The following LRRC4C variants were observed in gnomAD, a reference collection of about 807,000 sequenced individuals.
LRRC4C encodes the protein leucine rich repeat containing 4C, also known as leucine-rich repeat-containing protein 4C.
A neutral mutation model predicts 33.6 loss-of-function variants in LRRC4C; 5 were observed. That is an observed-to-expected ratio of 0.15 (90% CI 0.08 to 0.31). LRRC4C has a LOEUF of 0.31. LRRC4C is among the 10% of genes least tolerant of loss of function. The pLI, the probability that LRRC4C is intolerant of heterozygous loss-of-function variation, is 1.00. For synonymous variants in LRRC4C, 329 were observed against 302.0 expected (o/e 1.09, Z -0.93); for missense variants, 560 against 796.7 (o/e 0.70, Z 3.58).
chr11:40,683,450 T>G (rs1379609326), intron 2 of LRRC4C, among the ~76,000 whole-genome samples: 1 of 152,194 alleles, frequency 6.6e-6, no homozygotes, highest in African/African-American at 2.4e-5. Context: ...ATGGCAAAAT[T>G]GTTGACAAAG....
chr11:41,324,095 A>G (rs2137298106), intron 1 of LRRC4C, among the ~76,000 whole-genome samples: 1 of 152,330 alleles, frequency 6.6e-6, no homozygotes, highest in East Asian at 1.9e-4. Flanking sequence ...TCAAATTACA[A>G]CATCCCTAGG....
intron 2 of LRRC4C, among the ~76,000 whole-genome samples, chr11:40,706,844 T>C (rs1479135329): frequency 1.3e-5 from 2 of 152,234 alleles, no homozygotes; most frequent in Non-Finnish European, 2.9e-5. Flanking sequence ...TCCACGAGCA[T>C]GGAATGTTCT....
chr11:40,233,241 T>C (rs1865330079), intron 5 of LRRC4C, among the ~76,000 whole-genome samples: 1 of 152,226 alleles, frequency 6.6e-6, no homozygotes, highest in South Asian at 2.1e-4. Flanking sequence ...TCTTGTGTCC[T>C]ACATGAGTGG....
At chr11:41,402,727 C>T (rs1437478115) in intron 1 of LRRC4C, among the ~76,000 whole-genome samples, 3 of 151,836 alleles carry the variant, frequency 2.0e-5, no homozygotes, top group Admixed American at 2.0e-4. Flanking sequence ...GAACTCCAGA[C>T]AGAGTAAATA....
chr11:41,033,865 G>A (rs1461362712), intron 1 of LRRC4C, among the ~76,000 whole-genome samples: 1 of 151,948 alleles, frequency 6.6e-6, no homozygotes, highest in Non-Finnish European at 1.5e-5. Context: ...TTAGAGTTGG[G>A]CATAATTTTG....
intron 3 of LRRC4C, among the ~76,000 whole-genome samples, chr11:40,557,808 T>G (rs1203674204): frequency 6.6e-6 from 1 of 152,188 alleles, no homozygotes; most frequent in Non-Finnish European, 1.5e-5. Flanking sequence ...GTGAATCCTA[T>G]GAGCCTTCAA....
intron 2 of LRRC4C, among the ~76,000 whole-genome samples, chr11:40,782,531 A>G (rs945898208): frequency 1.3e-5 from 2 of 152,028 alleles, no homozygotes; most frequent in Admixed American, 1.3e-4. Flanking sequence ...GTTGAATCTC[A>G]ATTTACTTCA....
At chr11:40,649,083 A>G (rs1279093965) in intron 2 of LRRC4C, among the ~76,000 whole-genome samples, 5 of 152,194 alleles carry the variant, frequency 3.3e-5, no homozygotes, top group Non-Finnish European at 7.3e-5. Flanking sequence ...AAACAAAACT[A>G]CTGATAAAGG....
intron 5 of LRRC4C, among the ~76,000 whole-genome samples, chr11:40,162,182 C>G (rs145977822): frequency 2.0e-3 from 297 of 152,018 alleles, no homozygotes; most frequent in African/African-American, 6.6e-3. Flanking sequence ...AAAAGACTGA[C>G]CGTTATAACA....
chr11:40,696,752 A>G lies in LRRC4C; in HGVS notation c.-406-48474T>C, dbSNP rs201485474. Among the ~76,000 whole-genome samples the G allele has an allele frequency of 8.6e-3, 1,019 of 118,342 alleles. 17 individuals carry two copies. Among genetic ancestry groups the G allele is most frequent in the African/African-American group, 0.029 (971 of 33,834 alleles). The allele number at this position is 118,342 out of a possible 152,430, so 77.6% of individuals were successfully genotyped here. ...CTGTGCATATATATACACTGTGTAT[A>G]TATATATATATATATATATATATCT... On this transcript the variant is annotated intron_variant, in intron 2 of 6. Coordinates refer to ENST00000528697, the MANE Select transcript of LRRC4C (RefSeq NM_001258419.2).
chr11:40,965,998 T>C (rs1851331536), intron 1 of LRRC4C, among the ~76,000 whole-genome samples: 1 of 152,124 alleles, frequency 6.6e-6, no homozygotes. Flanking sequence ...TTCCTACCCA[T>C]GAGCATGGAA....
At chr11:40,653,121 G>A (rs1462615593) in intron 2 of LRRC4C, among the ~76,000 whole-genome samples, 1 of 152,194 alleles carries the variant, frequency 6.6e-6, no homozygotes, top group Admixed American at 6.5e-5. Flanking sequence ...GCCTCAGGCA[G>A]TTCTTCATAG....
intron 3 of LRRC4C, among the ~76,000 whole-genome samples, chr11:40,463,927 A>G (rs923437543): frequency 1.9e-4 from 29 of 152,072 alleles, no homozygotes; most frequent in Non-Finnish European, 7.4e-5. Context: ...GTTGTAAAAT[A>G]TCAACAAGAG....
intron 1 of LRRC4C, among the ~76,000 whole-genome samples, chr11:41,425,969 G>A (rs1344241765): frequency 6.6e-6 from 1 of 152,118 alleles, no homozygotes; most frequent in African/African-American, 2.4e-5. Flanking sequence ...GTCACATATT[G>A]TAGAAAGCTC....
intron 5 of LRRC4C, among the ~76,000 whole-genome samples, chr11:40,180,206 T>C (rs1860870690): frequency 6.6e-6 from 1 of 152,240 alleles, no homozygotes; most frequent in African/African-American, 2.4e-5. Context: ...TCAAATCAGC[T>C]AAGAAATCAT....
In LRRC4C at chr11:41,245,798, G is replaced by C. The variant is rs114887697; in HGVS notation, c.-496+213633C>G. On this transcript the variant is annotated intron_variant, in intron 1 of 6. Transcript: ENST00000528697. ...CGCGGACAAGTGGAGGGTGGAGGGT[G>C]AGCAAGGTGAAGAGGTGCTTTATTG... Among the ~76,000 whole-genome samples, 1,167 of 152,316 alleles carry C rather than the reference G, an allele frequency of 7.7e-3. 27 individuals carry two copies. The highest frequency in any genetic ancestry group is 0.027 in the African/African-American group (1,132 of 41,578).
At chr11:40,669,999 C>A (rs960831009) in intron 2 of LRRC4C, among the ~76,000 whole-genome samples, 1 of 152,152 alleles carries the variant, frequency 6.6e-6, no homozygotes, top group Admixed American at 6.5e-5. Flanking sequence ...ATTTAAATTA[C>A]CTTGATTATA....
In LRRC4C at chr11:40,712,786, T is replaced by C. The variant is rs562513318; in HGVS notation, c.-406-64508A>G. Among the ~76,000 whole-genome samples the C allele has an allele frequency of 5.9e-5, 9 of 152,252 alleles. 1 individual carries two copies. The South Asian group carries it at 1.9e-3, about 32-fold the overall frequency. On this transcript the variant is annotated intron_variant, in intron 2 of 6. Coordinates refer to ENST00000528697, the MANE Select transcript of LRRC4C (RefSeq NM_001258419.2). ...ATATATATTGTAATTATTCAATATA[T>C]TTGAGAACAAGATTAATAAACCAAA...
chr11:40,405,864 T>C (rs1333631139), intron 3 of LRRC4C, among the ~76,000 whole-genome samples: 2 of 151,412 alleles, frequency 1.3e-5, no homozygotes, highest in East Asian at 2.0e-4. Flanking sequence ...CTCTAGAAAA[T>C]AGAGGAACCA....
Sources: allele counts gnomAD v4.1 joint callset (sites outside exome capture counted in the v4.1 genomes callset), GRCh38; gene constraint gnomAD v4.1.1; transcripts MANE v1.5; gene names NCBI Gene and HGNC (gene_info 2026-07-23, HGNC 2026-07-21).